Variants in MED13L observed in about 807,000 individuals in gnomAD.
MED13L encodes the protein mediator complex subunit 13L, also known as mediator of RNA polymerase II transcription subunit 13-like.
In MED13L, 7 loss-of-function variants were observed where a neutral mutation model predicts 220.9. The observed-to-expected ratio is 0.03, with a 90% CI of 0.02 to 0.06. MED13L has a LOEUF of 0.06. Ranked by LOEUF, MED13L falls within the 10% of genes least tolerant of loss-of-function variation. MED13L has a pLI of 1.00. For synonymous variants in MED13L, 1,011 were observed against 1,015.2 expected, an observed-to-expected ratio of 1.00 and a Z score of 0.08; for missense variants, 1,965 against 2,760.5, an observed-to-expected ratio of 0.71 and a Z score of 6.46.
chr12:116,230,395 G>T, intron 2 of MED13L: 6 of 795,396 alleles, frequency 7.5e-6, no homozygotes, highest in Non-Finnish European at 9.1e-6. Context: ...GTGAGACTCC[G>T]TCTCAACAAC....
At chr12:116,261,214 G>A (rs527823236) in intron 1 of MED13L, among the ~76,000 whole-genome samples, 2 of 152,110 alleles carry the variant, frequency 1.3e-5, no homozygotes, top group South Asian at 4.1e-4. Flanking sequence ...ATTTTCTGTA[G>A]GCTGGGCATG....
chr12:116,138,476 G>A (rs1038434011), intron 2 of MED13L, among the ~76,000 whole-genome samples: 2 of 152,160 alleles, frequency 1.3e-5, no homozygotes, highest in African/African-American at 4.8e-5. Context: ...TTCTGCAAGG[G>A]AAGCAGCGGC....
intron 3 of MED13L, among the ~76,000 whole-genome samples, chr12:116,098,178 A>G (rs1253449116): frequency 1.3e-5 from 2 of 152,096 alleles, no homozygotes. Flanking sequence ...CCCGGGAGGC[A>G]GAGGTTGCAG....
chr12:116,232,547 T>G (rs1869663451), intron 2 of MED13L, among the ~76,000 whole-genome samples: 1 of 152,170 alleles, frequency 6.6e-6, no homozygotes. Flanking sequence ...CTGCCGGGAG[T>G]GCAATACTGC....
At position 116,008,722 on chromosome 12, in the gene MED13L, C is replaced by T. The variant is rs753461956; in HGVS notation, c.1691G>A (p.Arg564Gln). The T allele has an allele frequency of 8.1e-6, 13 of 1,613,816 alleles. No individual in the cohort carries two copies. Among genetic ancestry groups the T allele is most frequent in the Admixed American group, 1.7e-5 (1 of 59,966 alleles). The change falls in exon 10 of 31, where the codon CGA becomes CAA. Residue 564 changes from arginine (R) to glutamine (Q), a missense_variant. Around this residue, in one of 10 missense-constraint regions of MED13L, gnomAD observed 818 missense variants for 1,041.2 expected, o/e 0.79. Transcript: ENST00000281928. Reference protein sequence around the residue: ...PLPPTLSPQPRGQETESLDPP... With the variant: ...PLPPTLSPQPQGQETESLDPP... ...GTCCAAACTCTCTGTTTCCTGACCT[C>T]GTGGCTGAGGGCTGAGTGTTGGTGG...
intron 2 of MED13L, among the ~76,000 whole-genome samples, chr12:116,199,022 G>A (rs1035496268): frequency 2.0e-5 from 3 of 152,068 alleles, no homozygotes; most frequent in African/African-American, 4.8e-5. Flanking sequence ...TCTACAGGTG[G>A]GCACACTGAT....
chr12:116,264,016 A>G (rs996815490), intron 1 of MED13L, among the ~76,000 whole-genome samples: 1 of 152,198 alleles, frequency 6.6e-6, no homozygotes, highest in Admixed American at 6.5e-5. Context: ...ATGTATGCCA[A>G]CATACCCAAA....
At chr12:116,243,889 C>A (rs1445233256) in intron 1 of MED13L, among the ~76,000 whole-genome samples, 1 of 152,142 alleles carries the variant, frequency 6.6e-6, no homozygotes, top group Non-Finnish European at 1.5e-5. Flanking sequence ...GACCTAGATA[C>A]TATAAATCAG....
intron 8 of MED13L, 40 bp from the exon 9 acceptor site, chr12:116,012,941 A>T: frequency 4.3e-6 from 6 of 1,389,020 alleles, no homozygotes; most frequent in African/African-American, 1.4e-5. Context: ...TGAACATAAT[A>T]CCCATACCCC....
intron 2 of MED13L, among the ~76,000 whole-genome samples, chr12:116,166,433 T>C (rs528042555): frequency 2.0e-5 from 3 of 152,050 alleles, no homozygotes; most frequent in South Asian, 4.1e-4. Flanking sequence ...CTACTAAAAA[T>C]ACAAAAATTA....
chr12:116,006,441 C>T, intron 11 of MED13L, 30 bp from the exon 12 acceptor site: 10 of 1,553,966 alleles, frequency 6.4e-6, no homozygotes, highest in African/African-American at 4.1e-5. Flanking sequence ...AAACAAAACA[C>T]ATGAACACCA....
At chr12:115,982,335 A>C (rs1877384542) in intron 22 of MED13L, 49 bp downstream of exon 22, 4 of 1,546,874 alleles carry the variant, frequency 2.6e-6, no homozygotes, top group Non-Finnish European at 3.6e-6. Flanking sequence ...TTTTCATAAC[A>C]ACAAAAATAA....
rs776586145 is a variant in MED13L, at chr12:115,972,150, C to T, written c.5818G>A (p.Ala1940Thr). 21 of 1,613,842 alleles carry T rather than the reference C, an allele frequency of 1.3e-5. No individual in the cohort carries two copies. The East Asian group carries it at 2.0e-4, about 15-fold the overall frequency. ...DVCRMCGISA[A>T]DSPSILSACL... ...GCACTAAGGATAGAAGGAGAGTCTG[C>T]GGCAGAGATTCCACACATCCGGCAC... is the stretch of plus-strand genomic sequence containing the variant. Residue 1940 changes from alanine (A) to threonine (T), a missense_variant, in exon 26 of 31, where the codon GCA becomes ACA. Around this residue, in one of 10 missense-constraint regions of MED13L, gnomAD observed 23 missense variants for 20.4 expected, o/e 1.12. Transcript: ENST00000281928.
At chr12:116,209,016 C>T (rs73200232) in intron 2 of MED13L, among the ~76,000 whole-genome samples, 36,661 of 151,946 alleles carry the variant, frequency 0.24, 4,546 homozygotes, top group South Asian at 0.33. Context: ...GGAAATACTA[C>T]TATCTGATTC....
At chr12:116,104,155 C>T (rs543071719) in intron 3 of MED13L, among the ~76,000 whole-genome samples, 11 of 152,050 alleles carry the variant, frequency 7.2e-5, no homozygotes, top group African/African-American at 2.7e-4. Context: ...GGATTACAGG[C>T]ATGTGCAACC....
chr12:116,224,598 ATGG>A (rs1464549121), intron 2 of MED13L, among the ~76,000 whole-genome samples: 3 of 152,200 alleles, frequency 2.0e-5, no homozygotes, highest in African/African-American at 7.2e-5. Flanking sequence ...GCTCAAATAA[ATGG>A]TGGTAATTCT....
At chr12:115,987,048 G>A (rs752594518) in intron 18 of MED13L, 61 bp downstream of exon 18, 62 of 1,534,858 alleles carry the variant, frequency 4.0e-5, no homozygotes, top group Middle Eastern at 1.8e-4. Context: ...AGTAACTAAC[G>A]CTGCTCTTCA....
chr12:116,104,815 C>T (rs937989807), intron 3 of MED13L, among the ~76,000 whole-genome samples: 4 of 152,194 alleles, frequency 2.6e-5, no homozygotes, highest in Non-Finnish European at 5.9e-5. Flanking sequence ...AAGTATACTA[C>T]TGCACATAAT....
intron 2 of MED13L, among the ~76,000 whole-genome samples, chr12:116,161,407 G>C (rs1227797069): frequency 2.0e-5 from 3 of 152,026 alleles, no homozygotes; most frequent in African/African-American, 7.3e-5. Context: ...CCACCTTCCA[G>C]TACTAACCCC....
Sources: allele counts gnomAD v4.1 joint callset (sites outside exome capture counted in the v4.1 genomes callset), GRCh38; gene constraint gnomAD v4.1.1; regional missense constraint gnomAD v4.1.1; transcripts MANE v1.5; gene names NCBI Gene and HGNC (gene_info 2026-07-23, HGNC 2026-07-21).